The following FGD6 variants were observed in gnomAD, a reference collection of about 807,000 sequenced individuals.
FGD6 encodes the protein FYVE, RhoGEF and PH domain-containing protein 6.
In FGD6, 90 loss-of-function variants were observed where a neutral mutation model predicts 149.4. The observed-to-expected ratio is 0.60, with a 90% CI of 0.51 to 0.72. The LOEUF (loss-of-function observed/expected upper bound fraction) is 0.72. Among genes scored for constraint, FGD6 ranks in the 30% least tolerant of loss-of-function variants. The pLI is 0.00. For synonymous variants in FGD6, 527 were observed against 584.0 expected (o/e 0.90, Z 1.41); for missense variants, 1,437 against 1,684.8 (o/e 0.85, Z 2.57).
At chr12:95,140,610 T>TC (rs1592848881) in intron 6 of FGD6, among the ~76,000 whole-genome samples, 1 of 151,466 alleles carries the variant, frequency 6.6e-6, no homozygotes, top group East Asian at 1.9e-4. Context: ...AGAGTGAAAC[T>TC]CCATCTCAAA....
intron 8 of FGD6, among the ~76,000 whole-genome samples, chr12:95,128,014 C>T (rs1160416932): frequency 2.6e-5 from 4 of 151,998 alleles, no homozygotes; most frequent in Non-Finnish European, 5.9e-5. Flanking sequence ...ACATATAGCA[C>T]AGGTAGATGG....
intron 3 of FGD6, among the ~76,000 whole-genome samples, chr12:95,163,255 C>G (rs1206544354): frequency 6.6e-6 from 1 of 152,106 alleles, no homozygotes; most frequent in Non-Finnish European, 1.5e-5. Context: ...TGCGCATATA[C>G]CTTTCCTTTT....
In FGD6 at chr12:95,189,132, C is replaced by G. The variant is rs566666616; in HGVS notation, c.2442-16388G>C. ...ATAGCAAAATGGAAGCTTCTATACA[C>G]CCCCACACCCGTGTTCACAGTCACA... On this transcript the variant is annotated intron_variant, in intron 2 of 20. Transcript: ENST00000343958. 4 of 152,308 alleles carry G rather than the reference C, an allele frequency of 2.6e-5. No homozygotes were observed. The South Asian group carries it at 8.3e-4, about 32-fold the overall frequency. 9.4% of individuals were successfully genotyped at this position (152,308 alleles called of 1,614,324 possible). A position where few individuals can be genotyped will look rare whatever the true frequency, so the allele number is the denominator to read the frequency against.
chr12:95,206,577 C>G (rs2056693810), intron 2 of FGD6, among the ~76,000 whole-genome samples: 1 of 151,850 alleles, frequency 6.6e-6, no homozygotes, highest in Admixed American at 6.6e-5. Context: ...GTGGTCCCAG[C>G]TACTTGGGAG....
intron 2 of FGD6, among the ~76,000 whole-genome samples, chr12:95,189,881 CCTTAATAGTAATAGAAAA>C (rs1184046379): frequency 6.6e-6 from 1 of 151,942 alleles, no homozygotes; most frequent in Non-Finnish European, 1.5e-5. Context: ...AAATGGATTT[CCTTAATAGTAATAGAAAA>C]CTTTCACCTT....
rs1230457818 is a variant in FGD6, at chr12:95,141,542, AT to A, written c.2686-4del. 3.7e-6 allele frequency: 6 copies of A among 1,614,046 alleles called. No homozygotes were observed. The highest frequency in any genetic ancestry group is 3.3e-4 in the Middle Eastern group (2 of 6,062). On this transcript the variant is annotated splice_region_variant and splice_polypyrimidine_tract_variant and intron_variant, in intron 5 of 20. Transcript: ENST00000343958. ...TGAGCTACTGCATCCCGGAAATCCTATTACAGTCCAGAGCAGGAAAAACAAT... is the reference window on the plus strand; with the variant it reads ...TGAGCTACTGCATCCCGGAAATCCTATACAGTCCAGAGCAGGAAAAACAAT...
chr12:95,078,299 T>C lies in FGD6; in HGVS notation c.*3221A>G, dbSNP rs1050574708. On this transcript the variant is annotated 3_prime_UTR_variant, in exon 21 of 21. Coordinates refer to ENST00000343958, the MANE Select transcript of FGD6 (RefSeq NM_018351.4). The stretch of plus-strand genomic sequence containing the variant: ...ATGTATCTCTGGAAATCCCATTGAC[T>C]ACATTTGACTAAAGTGGATTTCAAA... The C allele has an allele frequency of 6.6e-6, 1 of 152,234 alleles. No individual in the cohort carries two copies. The allele number at this position is 152,234 out of a possible 1,614,324, so 9.4% of individuals were successfully genotyped here. A position where few individuals can be genotyped will look rare whatever the true frequency, so the allele number is the denominator to read the frequency against.
At chr12:95,194,906 TA>T (rs1188181253) in intron 2 of FGD6, among the ~76,000 whole-genome samples, 2 of 152,172 alleles carry the variant, frequency 1.3e-5, no homozygotes, top group Admixed American at 6.5e-5. Flanking sequence ...GTTATATCGA[TA>T]AACATTTCAA....
chr12:95,183,003 G>T (rs1012449023), intron 2 of FGD6, among the ~76,000 whole-genome samples: 2 of 152,230 alleles, frequency 1.3e-5, no homozygotes, highest in African/African-American at 4.8e-5. Flanking sequence ...GAGCCTTTTG[G>T]AAAATATGAC....
chr12:95,104,950 T>C, intron 14 of FGD6, 57 bp downstream of exon 14: 1 of 1,463,564 alleles, frequency 6.8e-7, no homozygotes, highest in Non-Finnish European at 9.1e-7. Context: ...TGACATTCCC[T>C]AGCAAGCAGA....
Position 95,210,638 on chromosome 12 carries a change from C to T in FGD6, c.646G>A (p.Gly216Arg). ...PEMNGGCNSN[G>R]QFRIEFADLS... is the part of the protein sequence containing the mutation. ...TCCGCAAATTCAATTCTGAATTGTC[C>T]ATTTGAATTACAGCCACCATTCATT... Residue 216 changes from glycine to arginine, a missense_variant, in exon 2 of 21, where the codon GGA becomes AGA. By Grantham distance (125) the Gly-to-Arg change is moderately radical. This residue lies in a region of FGD6 where 1,055 missense variants were observed against 1,146.0 expected (regional missense o/e 0.92). Transcript: ENST00000343958. 2 of 1,614,120 alleles carry T rather than the reference C, an allele frequency of 1.2e-6. No homozygotes were observed. The highest frequency in any genetic ancestry group is 1.3e-5 in the African/African-American group (1 of 75,018).
Position 95,145,975 on chromosome 12 carries a change from C to T in FGD6, c.2686-4436G>A, listed in dbSNP as rs571047604. Among the ~76,000 whole-genome samples the T allele has an allele frequency of 2.6e-5, 4 of 152,214 alleles. No individual in the cohort carries two copies. The South Asian group carries it at 8.3e-4, about 32-fold the overall frequency. ...AGGCACGAGCCACTGCGCCAGGCCC[C>T]CTATGCCATTGTGATAGTCCTGAAT... On this transcript the variant is annotated intron_variant, in intron 5 of 20. Transcript: ENST00000343958.
Position 95,210,889 on chromosome 12 carries a change from A to G in FGD6, c.395T>C (p.Val132Ala), listed in dbSNP as rs1322130659. Residue 132 changes from valine to alanine, a missense_variant, in exon 2 of 21, where the codon GTT becomes GCT. Transcript: ENST00000343958. ...HRENLCVKQL[V>A]LEPLEMNENL... is the part of the protein sequence containing the mutation. Reference sequence around the variant, plus strand: ...TTCATTCATTTCCAGGGGCTCTAAAACAAGCTGCTTTACACACAAATTCTC... The same window carrying G: ...TTCATTCATTTCCAGGGGCTCTAAAGCAAGCTGCTTTACACACAAATTCTC... 3.1e-6 allele frequency: 5 copies of G among 1,612,904 alleles called. No individual in the cohort carries two copies. The highest frequency in any genetic ancestry group is 1.3e-5 in the African/African-American group (1 of 74,800).
intron 18 of FGD6, among the ~76,000 whole-genome samples, chr12:95,088,785 T>A (rs144862899): frequency 6.6e-6 from 1 of 152,238 alleles, no homozygotes; most frequent in South Asian, 2.1e-4. Context: ...GTAATTTCCA[T>A]GAACCTCTAA....
chr12:95,165,038 C>T (rs1880765679), intron 3 of FGD6, among the ~76,000 whole-genome samples: 1 of 152,002 alleles, frequency 6.6e-6, no homozygotes, highest in South Asian at 2.1e-4. Context: ...AGAATAAATA[C>T]ATCTTACTTT....
chr12:95,208,394 G>A (rs915573274), intron 2 of FGD6, among the ~76,000 whole-genome samples: 8 of 152,142 alleles, frequency 5.3e-5, no homozygotes, highest in African/African-American at 1.9e-4. Flanking sequence ...AAAGAGTGGT[G>A]AACTTCTAAA....
chr12:95,134,688 G>T (rs746663066), intron 8 of FGD6, 51 bp downstream of exon 8: 2 of 1,530,590 alleles, frequency 1.3e-6, no homozygotes, highest in Admixed American at 1.8e-5. Context: ...AAGAAGAGTT[G>T]GCTGATGGAT....
intron 5 of FGD6, among the ~76,000 whole-genome samples, chr12:95,144,991 T>A (rs1470959519): frequency 1.5e-5 from 2 of 132,386 alleles, no homozygotes; most frequent in Non-Finnish European, 3.2e-5. Context: ...ACCCGGCCTT[T>A]TTTTTTTTTT....
chr12:95,154,748 A>T (rs776779990), intron 3 of FGD6, among the ~76,000 whole-genome samples: 5 of 152,168 alleles, frequency 3.3e-5, no homozygotes, highest in Admixed American at 2.0e-4. Context: ...GACATGATAA[A>T]CATTAAAAAT....
Sources: allele counts gnomAD v4.1 joint callset (sites outside exome capture counted in the v4.1 genomes callset), GRCh38; gene constraint gnomAD v4.1.1; regional missense constraint gnomAD v4.1.1; transcripts MANE v1.5; gene names NCBI Gene and HGNC (gene_info 2026-07-23, HGNC 2026-07-21).